Variants in VPS33A observed in about 807,000 individuals in gnomAD.
The protein encoded by VPS33A is vacuolar protein sorting-associated protein 33A.
Under a neutral mutation model 71.8 loss-of-function variants are expected in VPS33A, and 32 were observed. The ratio of observed to expected loss-of-function variants is 0.45; its 90% confidence interval spans 0.34 to 0.60. VPS33A has a LOEUF of 0.60. Among genes scored for constraint, VPS33A ranks in the 20% least tolerant of loss-of-function variants. The pLI is 0.02. For missense variants in VPS33A, 625 were observed against 748.5 expected, an observed-to-expected ratio of 0.84 and a Z score of 1.92; for synonymous variants, 311 against 292.7, an observed-to-expected ratio of 1.06 and a Z score of -0.64.
rs527918817 is a variant in VPS33A, at chr12:122,235,304, G to A, written c.1440+482C>T. 1.2e-4 allele frequency among the ~76,000 whole-genome samples: 17 copies of A among 142,174 alleles called. No homozygotes were observed. In the South Asian group the frequency reaches 1.6e-3, roughly 13 times the overall value. 93.3% of individuals were successfully genotyped at this position (142,174 alleles called of 152,430 possible). On this transcript the variant is annotated intron_variant, in intron 11 of 12. Coordinates refer to ENST00000267199, the MANE Select transcript of VPS33A (RefSeq NM_022916.6). ...TTTTGAGACAGAGTCTTGCTCTGTCGCCCAGGCTGGAGTGCAATGGCATGA... is the reference window on the plus strand; with the variant it reads ...TTTTGAGACAGAGTCTTGCTCTGTCACCCAGGCTGGAGTGCAATGGCATGA...
intron 3 of VPS33A, among the ~76,000 whole-genome samples, chr12:122,263,359 G>A (rs1001901920): frequency 6.6e-5 from 10 of 152,100 alleles, no homozygotes; most frequent in African/African-American, 2.4e-4. Context: ...CTATCAAATA[G>A]TAGGTCTTAT....
intron 5 of VPS33A, 78 bp downstream of exon 5, chr12:122,250,905 G>A (rs1462532561): frequency 6.9e-6 from 7 of 1,015,428 alleles, no homozygotes; most frequent in Admixed American, 2.2e-5. Context: ...GAATTTGTTT[G>A]TAAGGAGCTT....
In VPS33A at chr12:122,235,850, C is replaced by T; in HGVS notation, c.1376G>A (p.Gly459Asp). ...KAGLLKPQTGGRNNYPTIRKT... is the reference protein window; with the variant it reads ...KAGLLKPQTGDRNNYPTIRKT... The stretch of plus-strand genomic sequence containing the variant: ...CCGTATAGTTGGGTAATTGTTTCTG[C>T]CCCCCGTCTGCGGTTTCAGCAGGCC... The change falls in exon 11 of 13, where the codon GGC becomes GAC. Residue 459 changes from glycine (G) to aspartate (D), a missense_variant. Physicochemically the swap from Gly to Asp is moderately conservative, Grantham distance 94. Coordinates refer to ENST00000267199, the MANE Select transcript of VPS33A (RefSeq NM_022916.6). The T allele has an allele frequency of 6.2e-7, 1 of 1,613,622 alleles. No individual in the cohort carries two copies. Among genetic ancestry groups the T allele is most frequent in the Non-Finnish European group, 8.5e-7 (1 of 1,179,826 alleles).
intron 4 of VPS33A, among the ~76,000 whole-genome samples, chr12:122,259,193 GTATGTA>G (rs1954959194): frequency 1.6e-5 from 2 of 126,044 alleles, no homozygotes; most frequent in African/African-American, 5.2e-5. Flanking sequence ...ATGTGTGTAT[GTATGTA>G]TGTATGTATG....
intron 11 of VPS33A, 62 bp from the exon 12 acceptor site, chr12:122,233,030 G>T (rs1954585504): frequency 6.9e-7 from 1 of 1,439,870 alleles, no homozygotes; most frequent in Non-Finnish European, 9.2e-7. Flanking sequence ...ACCTGACTGT[G>T]GCCTTTTGGG....
Position 122,232,155 on chromosome 12 carries a change from G to A in VPS33A, c.*91C>T, listed in dbSNP as rs1954570646. On this transcript the variant is annotated 3_prime_UTR_variant, in exon 13 of 13. Coordinates refer to ENST00000267199, the MANE Select transcript of VPS33A (RefSeq NM_022916.6). ...CCCAGAATATATTCTGTATTCCCATGTTTCTTCTATGGGGTTTTACTTCCT... is the reference window on the plus strand; with the variant it reads ...CCCAGAATATATTCTGTATTCCCATATTTCTTCTATGGGGTTTTACTTCCT... 1.6e-6 allele frequency: 2 copies of A among 1,232,370 alleles called. No homozygotes were observed. The highest frequency in any genetic ancestry group is 4.8e-5 in the Admixed American group (2 of 41,936). 76.3% of individuals were successfully genotyped at this position (1,232,370 alleles called of 1,614,324 possible).
intron 10 of VPS33A, among the ~76,000 whole-genome samples, chr12:122,236,322 G>A (rs963171577): frequency 6.6e-6 from 1 of 152,070 alleles, no homozygotes; most frequent in African/African-American, 2.4e-5. Flanking sequence ...AACATGTAGA[G>A]TAGGACATTA....
intron 4 of VPS33A, among the ~76,000 whole-genome samples, chr12:122,257,539 G>A (rs1430423865): frequency 1.3e-5 from 2 of 151,854 alleles, no homozygotes; most frequent in African/African-American, 4.8e-5. Context: ...TGGGCGTGGT[G>A]GTGTGTGCCT....
intron 6 of VPS33A, among the ~76,000 whole-genome samples, chr12:122,246,261 T>A (rs913974274): frequency 6.6e-6 from 1 of 152,102 alleles, no homozygotes; most frequent in Non-Finnish European, 1.5e-5. Context: ...TTGAGAGGCT[T>A]AGGTGGGAGG....
intron 6 of VPS33A, among the ~76,000 whole-genome samples, chr12:122,246,511 C>T (rs1465870177): frequency 6.6e-6 from 1 of 151,930 alleles, no homozygotes; most frequent in African/African-American, 2.4e-5. Flanking sequence ...GTTGGCCAGG[C>T]TGGTCTCGAA....
In VPS33A at chr12:122,266,466, GGACCACGGACGCAGTCACGT is replaced by G; in HGVS notation, c.-78_-59del. 6.3e-7 allele frequency: 1 copy of G among 1,575,144 alleles called. No homozygotes were observed. The highest frequency in any genetic ancestry group is 8.7e-7 in the Non-Finnish European group (1 of 1,154,370). On this transcript the variant is annotated 5_prime_UTR_variant, in exon 1 of 13. Transcript: ENST00000267199. ...ACCGAGTCCGCCGGTTCCTACGGGA[GGACCACGGACGCAGTCACGT>G]GACCAAACGTCCACGTGACCGGTAC...
intron 7 of VPS33A, among the ~76,000 whole-genome samples, chr12:122,243,498 G>A (rs550323967): frequency 5.9e-5 from 9 of 152,224 alleles, no homozygotes; most frequent in South Asian, 2.1e-4. Flanking sequence ...CTCAGCCTCC[G>A]ACAGTGCCGG....
At chr12:122,246,318 A>ATTTATTT in intron 6 of VPS33A, among the ~76,000 whole-genome samples, 1 of 151,934 alleles carries the variant, frequency 6.6e-6, no homozygotes, top group Non-Finnish European at 1.5e-5. Context: ...TTATTTATTT[A>ATTTATTT]AGAGGGAGTC....
At chr12:122,265,023 G>C (rs1452364547) in intron 1 of VPS33A, among the ~76,000 whole-genome samples, 1 of 150,242 alleles carries the variant, frequency 6.7e-6, no homozygotes, top group East Asian at 2.0e-4. Flanking sequence ...CCTGGGCTCA[G>C]GTGATCTTCC....
At position 122,266,429 on chromosome 12, in the gene VPS33A, C is replaced by G; in HGVS notation, c.-21G>C. 2 of 1,601,672 alleles carry G rather than the reference C, an allele frequency of 1.2e-6. No homozygotes were observed. Among genetic ancestry groups the G allele is most frequent in the African/African-American group, 1.3e-5 (1 of 74,776 alleles). ...GCCATCTTGCTCCACCACCCCCTGC[C>G]CCACAACGCCAACCGAGTCCGCCGG... On this transcript the variant is annotated 5_prime_UTR_variant, in exon 1 of 13. Coordinates refer to ENST00000267199, the MANE Select transcript of VPS33A (RefSeq NM_022916.6).
chr12:122,235,262 A>T (rs1376622667), intron 11 of VPS33A, among the ~76,000 whole-genome samples: 3 of 146,832 alleles, frequency 2.0e-5, no homozygotes, highest in Non-Finnish European at 4.5e-5. Context: ...CCTGCCCCAT[A>T]ACTTTTTTTT....
At chr12:122,251,142 C>T (rs200240800) in intron 4 of VPS33A, 43 bp from the exon 5 acceptor site, 4 of 1,359,738 alleles carry the variant, frequency 2.9e-6, no homozygotes, top group Non-Finnish European at 4.2e-6. Context: ...ATGGGGGCCT[C>T]CCAGGGGCCC....
rs879321610 is a variant in VPS33A, at chr12:122,239,023, C to CA, written c.1165-300_1165-299insT. ...CACACACACACACACACACACACAC[C>CA]CCCCAGTGATCAGGCCAAGTCACTG... On this transcript the variant is annotated intron_variant, in intron 9 of 12. Transcript: ENST00000267199. Among the ~76,000 whole-genome samples, 682 of 149,028 alleles carry CA rather than the reference C, an allele frequency of 4.6e-3. 6 individuals carry two copies. The highest frequency in any genetic ancestry group is 0.016 in the African/African-American group (637 of 40,036).
chr12:122,239,847 A>T, intron 9 of VPS33A, 31 bp downstream of exon 9: 1 of 1,530,318 alleles, frequency 6.5e-7, no homozygotes, highest in Non-Finnish European at 9.0e-7. Context: ...GCTTTCAATT[A>T]CTTGTTAAAG....
Sources: allele counts gnomAD v4.1 joint callset (sites outside exome capture counted in the v4.1 genomes callset), GRCh38; gene constraint gnomAD v4.1.1; transcripts MANE v1.5; gene names NCBI Gene and HGNC (gene_info 2026-07-23, HGNC 2026-07-21).